SLC14A2: variants seen among roughly 807,000 people sequenced by gnomAD.
SLC14A2 encodes solute carrier family 14 member 2.
In SLC14A2, 91 loss-of-function variants were observed where a neutral mutation model predicts 104.6. The ratio of observed to expected loss-of-function variants is 0.87; its 90% CI spans 0.73 to 1.04. The LOEUF (loss-of-function observed/expected upper bound fraction) is 1.04, where lower values mean the gene tolerates loss of function less well. SLC14A2 is among the 50% of genes least tolerant of loss of function. The probability of loss-of-function intolerance (pLI) is 0.00; values close to 1 mark genes in which losing one functional copy is unlikely to be tolerated. For missense variants in SLC14A2, 1,189 were observed against 1,156.0 expected, an observed-to-expected ratio of 1.03 and a Z score of -0.41; for synonymous variants, 476 against 466.4, an observed-to-expected ratio of 1.02 and a Z score of -0.27.
intron 2 of SLC14A2, among the ~76,000 whole-genome samples, chr18:45,582,695 AC>A (rs994683058): frequency 2.6e-5 from 4 of 152,086 alleles, no homozygotes; most frequent in Non-Finnish European, 5.9e-5. Flanking sequence ...GTGCTCTCCC[AC>A]CACCCTTTAC....
chr18:45,257,317 G>T (rs190444919), intron 1 of SLC14A2, among the ~76,000 whole-genome samples: 116 of 152,290 alleles, frequency 7.6e-4, no homozygotes, highest in African/African-American at 2.7e-3. Flanking sequence ...AAATTCACAC[G>T]TAATAGACTA....
intron 5 of SLC14A2, 84 bp from the exon 6 acceptor site, chr18:45,636,906 G>T: frequency 9.4e-7 from 1 of 1,061,956 alleles, no homozygotes; most frequent in Non-Finnish European, 1.4e-6. Flanking sequence ...AGGAGGCAGT[G>T]GATGATACAG....
chr18:45,247,725 ACACAGTCAAAG>A (rs1230943599), intron 1 of SLC14A2, among the ~76,000 whole-genome samples: 9 of 149,696 alleles, frequency 6.0e-5, no homozygotes, highest in Non-Finnish European at 1.3e-4. Context: ...TTTCATATTA[ACACAGTCAAAG>A]CACTTCTTCA....
At chr18:45,381,385 G>T (rs1213717918) in intron 1 of SLC14A2, among the ~76,000 whole-genome samples, 1 of 152,122 alleles carries the variant, frequency 6.6e-6, no homozygotes, top group Non-Finnish European at 1.5e-5. Context: ...TTATAGTTGA[G>T]CAAATTAAGG....
chr18:45,656,414 A>G (rs546008208), intron 10 of SLC14A2, among the ~76,000 whole-genome samples: 14 of 152,366 alleles, frequency 9.2e-5, no homozygotes, highest in Admixed American at 9.1e-4. Context: ...ACATCAGGAA[A>G]GCCAGGCAGA....
At chr18:45,339,454 T>C (rs2085371344) in intron 1 of SLC14A2, among the ~76,000 whole-genome samples, 1 of 152,168 alleles carries the variant, frequency 6.6e-6, no homozygotes, top group Admixed American at 6.6e-5. Context: ...GTTTCTGATT[T>C]GAGTTTTTAA....
At chr18:45,438,180 G>T (rs2086627573) in intron 1 of SLC14A2, 1 of 152,094 alleles carries the variant, frequency 6.6e-6, no homozygotes, top group Admixed American at 6.5e-5. Flanking sequence ...AATATTTGTT[G>T]GATTTGATTG....
At chr18:45,242,756 C>T (rs889649565) in intron 1 of SLC14A2, among the ~76,000 whole-genome samples, 1 of 152,186 alleles carries the variant, frequency 6.6e-6, no homozygotes, top group African/African-American at 2.4e-5. Flanking sequence ...TTCTTCTCTG[C>T]CAGGAGTAGA....
chr18:45,586,953 T>C (rs1175641077), intron 2 of SLC14A2, among the ~76,000 whole-genome samples: 1 of 151,962 alleles, frequency 6.6e-6, no homozygotes, highest in Non-Finnish European at 1.5e-5. Context: ...AGAATAACTG[T>C]CCTTACTAGA....
chr18:45,539,415 A>ACAGGC (rs1303078842), intron 2 of SLC14A2, among the ~76,000 whole-genome samples: 1 of 152,192 alleles, frequency 6.6e-6, no homozygotes, highest in Non-Finnish European at 1.5e-5. Context: ...GGCTGCCTGG[A>ACAGGC]CAGGCCAGGC....
chr18:45,187,766 A>T, the SLC14A2 span, among the ~76,000 whole-genome samples: 8 of 152,028 alleles, frequency 5.3e-5, no homozygotes, highest in Non-Finnish European at 8.8e-5. Flanking sequence ...TTCTGGTAAA[A>T]AAATAAATAA....
At chr18:45,267,831 C>G (rs1189563118) in intron 1 of SLC14A2, among the ~76,000 whole-genome samples, 1 of 152,132 alleles carries the variant, frequency 6.6e-6, no homozygotes, top group Non-Finnish European at 1.5e-5. Context: ...GTGATGGAAA[C>G]TGGATCCTTA....
chr18:45,297,636 T>C (rs1409949685), intron 1 of SLC14A2, among the ~76,000 whole-genome samples: 1 of 151,246 alleles, frequency 6.6e-6, no homozygotes, highest in East Asian at 1.9e-4. Context: ...ACTCGGTTGA[T>C]CCAACAGGAT....
intron 12 of SLC14A2, 38 bp from the exon 13 acceptor site, chr18:45,666,897 G>A (rs375720201): frequency 2.6e-5 from 41 of 1,587,974 alleles, no homozygotes; most frequent in Middle Eastern, 3.3e-4. Flanking sequence ...AAGAACCACC[G>A]AATGTGGGAG....
intron 1 of SLC14A2, among the ~76,000 whole-genome samples, chr18:45,407,125 C>G (rs1295558328): frequency 6.6e-6 from 1 of 151,930 alleles, no homozygotes; most frequent in South Asian, 2.1e-4. Flanking sequence ...GGCATCTTCT[C>G]CCAATATAAG....
At chr18:45,389,349 T>C (rs2085935586) in intron 1 of SLC14A2, among the ~76,000 whole-genome samples, 1 of 152,242 alleles carries the variant, frequency 6.6e-6, no homozygotes, top group Non-Finnish European at 1.5e-5. Flanking sequence ...TACATCATTT[T>C]TGGAGCCAAG....
intron 1 of SLC14A2, among the ~76,000 whole-genome samples, chr18:45,281,927 T>A (rs1377904326): frequency 2.0e-5 from 3 of 152,160 alleles, no homozygotes; most frequent in African/African-American, 7.2e-5. Flanking sequence ...CCCTGGCACC[T>A]GGCTGCCTCC....
chr18:45,662,142 A>C (rs2045946217), intron 10 of SLC14A2, among the ~76,000 whole-genome samples: 2 of 152,180 alleles, frequency 1.3e-5, no homozygotes, highest in African/African-American at 4.8e-5. Context: ...GTCTCTACCA[A>C]AAATAGAAAA....
At chr18:45,489,092 C>T (rs375566023) in intron 2 of SLC14A2, among the ~76,000 whole-genome samples, 16 of 152,262 alleles carry the variant, frequency 1.1e-4, no homozygotes, top group East Asian at 5.8e-4. Context: ...CTACATGGTT[C>T]GATTCAAGTG....
Sources: gnomAD v4.1 joint callset for allele counts (sites outside exome capture counted in the v4.1 genomes callset) on GRCh38, gnomAD v4.1.1 for gene constraint, MANE v1.5 for transcripts, NCBI Gene and HGNC (gene_info 2026-07-23, HGNC 2026-07-21) for gene names.